Variants in TRIM5 observed in about 807,000 individuals in gnomAD.
TRIM5 encodes the protein tripartite motif-containing protein 5.
TRIM5 carries 31 observed loss-of-function variants against 35.6 expected under a neutral mutation model. The ratio of observed to expected loss-of-function variants is 0.87; its 90% CI spans 0.65 to 1.18. The LOEUF (loss-of-function observed/expected upper bound fraction) is 1.18. TRIM5 is among the 50% of genes most tolerant of loss of function. TRIM5 has a pLI of 0.00. For missense variants in TRIM5, 609 were observed against 591.6 expected (o/e 1.03, Z -0.31); for synonymous variants, 243 against 215.6 (o/e 1.13, Z -1.11).
At chr11:5,655,760 T>A in the TRIM5 span, 6 of 854,332 alleles carry the variant, frequency 7.0e-6, no homozygotes, top group Non-Finnish European at 8.4e-6. Context: ...ACATATAAAA[T>A]CATTCAGTGC....
the TRIM5 span, among the ~76,000 whole-genome samples, chr11:5,652,391 G>A: frequency 3.4e-3 from 511 of 152,252 alleles, 6 homozygotes; most frequent in African/African-American, 0.012. Flanking sequence ...TATGGCAAGC[G>A]AGGTATCTCA....
the TRIM5 span, among the ~76,000 whole-genome samples, chr11:5,602,103 A>C: frequency 6.6e-6 from 1 of 152,198 alleles, no homozygotes; most frequent in African/African-American, 2.4e-5. Flanking sequence ...CTTACATTTC[A>C]CTGCGAGGAT....
the TRIM5 span, chr11:5,603,849 C>T: frequency 6.9e-7 from 1 of 1,459,594 alleles, no homozygotes; most frequent in Non-Finnish European, 9.1e-7. Context: ...AGAGAATGAA[C>T]CTGGAAACTG....
chr11:5,678,068 T>C, intron 4 of TRIM5, 136 bp downstream of exon 4: 1 of 688,156 alleles, frequency 1.5e-6, no homozygotes, highest in Non-Finnish European at 2.3e-6. Context: ...ATTATTCTTA[T>C]AACTTCAGCA....
the TRIM5 span, among the ~76,000 whole-genome samples, chr11:5,621,480 C>G: frequency 6.6e-6 from 1 of 152,228 alleles, no homozygotes; most frequent in Non-Finnish European, 1.5e-5. Context: ...AATGACTAAA[C>G]TTGCTCATTT....
chr11:5,663,152 A>G, downstream of TRIM5: 2 of 736,158 alleles, frequency 2.7e-6, no homozygotes, highest in Non-Finnish European at 3.3e-6. Context: ...AAACAAACAA[A>G]CAAACAAAAA....
chr11:5,605,486 G>T, the TRIM5 span: 1 of 1,614,194 alleles, frequency 6.2e-7, no homozygotes, highest in Non-Finnish European at 8.5e-7. Flanking sequence ...AGAATGATCT[G>T]GTCCACCAGA....
chr11:5,683,161 C>T (rs1052697747), intron 1 of TRIM5, among the ~76,000 whole-genome samples: 46 of 152,346 alleles, frequency 3.0e-4, no homozygotes, highest in Non-Finnish European at 6.2e-4. Flanking sequence ...TCAGGACCTG[C>T]AGCCCACCAT....
At chr11:5,629,730 C>A in the TRIM5 span, among the ~76,000 whole-genome samples, 1 of 152,166 alleles carries the variant, frequency 6.6e-6, no homozygotes, top group Non-Finnish European at 1.5e-5. Context: ...TTTTTTGAGA[C>A]GGAGTCTCGC....
At chr11:5,640,952 T>A in the TRIM5 span, among the ~76,000 whole-genome samples, 39,972 of 152,156 alleles carry the variant, frequency 0.26, 6,146 homozygotes, top group Non-Finnish European at 0.36. Context: ...CATTTTATAA[T>A]CCTTTTAATT....
intron 4 of TRIM5, among the ~76,000 whole-genome samples, chr11:5,671,719 C>G (rs143679724): frequency 6.6e-6 from 1 of 152,078 alleles, no homozygotes; most frequent in African/African-American, 2.4e-5. Context: ...TGTAATAGGT[C>G]TTCCAGAAGG....
chr11:5,661,565 T>A (rs1462519686), downstream of TRIM5, among the ~76,000 whole-genome samples: 1 of 152,176 alleles, frequency 6.6e-6, no homozygotes, highest in East Asian at 1.9e-4. Flanking sequence ...TAGCCAGATA[T>A]GCCTAATTAA....
intron 4 of TRIM5, among the ~76,000 whole-genome samples, chr11:5,671,483 T>C (rs1246590760): frequency 1.3e-5 from 2 of 151,982 alleles, no homozygotes; most frequent in Non-Finnish European, 1.5e-5. Flanking sequence ...AAAATAGATA[T>C]GCTCGAGAGA....
the TRIM5 span, among the ~76,000 whole-genome samples, chr11:5,641,830 C>G: frequency 6.6e-6 from 1 of 152,128 alleles, no homozygotes; most frequent in African/African-American, 2.4e-5. Flanking sequence ...AAATTCTAAC[C>G]ATTTTTAGTT....
At chr11:5,655,550 T>C in the TRIM5 span, 1 of 803,234 alleles carries the variant, frequency 1.2e-6, no homozygotes, top group Non-Finnish European at 1.5e-6. Flanking sequence ...TGCCAAAATA[T>C]GTATTATTTC....
chr11:5,681,282 A>G (rs1470145108), intron 1 of TRIM5, among the ~76,000 whole-genome samples: 1 of 152,184 alleles, frequency 6.6e-6, no homozygotes, highest in Non-Finnish European at 1.5e-5. Flanking sequence ...CGAGATGCAG[A>G]TTTACTGGGA....
the TRIM5 span, chr11:5,624,949 G>C: frequency 6.6e-6 from 1 of 152,202 alleles, no homozygotes; most frequent in African/African-American, 2.4e-5. Flanking sequence ...CCTCAGGAGG[G>C]AGGGACTTCT....
At chr11:5,646,679 C>A in the TRIM5 span, among the ~76,000 whole-genome samples, 2 of 152,164 alleles carry the variant, frequency 1.3e-5, no homozygotes, top group East Asian at 3.9e-4. Context: ...GACTTTGTAA[C>A]CCTTGGACAC....
the TRIM5 span, among the ~76,000 whole-genome samples, chr11:5,593,478 T>C: frequency 2.6e-5 from 4 of 152,282 alleles, no homozygotes; most frequent in South Asian, 8.3e-4. Context: ...TCAAAGAAAA[T>C]ATATTCGAGC....
Sources: gnomAD v4.1 joint callset for allele counts (sites outside exome capture counted in the v4.1 genomes callset) on GRCh38, gnomAD v4.1.1 for gene constraint, MANE v1.5 for transcripts, NCBI Gene and HGNC (gene_info 2026-07-23, HGNC 2026-07-21) for gene names.